GABRB1: variants seen among roughly 807,000 people sequenced by gnomAD.
GABRB1 encodes gamma-aminobutyric acid type A receptor subunit beta1.
In GABRB1, 17 loss-of-function variants were observed where a neutral mutation model predicts 51.6. That is an observed-to-expected ratio of 0.33 (90% CI 0.23 to 0.49). The LOEUF is 0.49. Ranked by LOEUF, GABRB1 falls within the 20% of genes least tolerant of loss-of-function variation. GABRB1 has a pLI of 0.99. For synonymous variants in GABRB1, 247 were observed against 218.9 expected (o/e 1.13, Z -1.14); for missense variants, 410 against 600.6 (o/e 0.68, Z 3.32).
chr4:47,282,069 T>TA (rs1204875238), intron 4 of GABRB1, among the ~76,000 whole-genome samples: 1 of 152,192 alleles, frequency 6.6e-6, no homozygotes, highest in Non-Finnish European at 1.5e-5. Flanking sequence ...GATGAATTGT[T>TA]AAAATGATTG....
chr4:47,195,210 C>G (rs1024001865), intron 4 of GABRB1, among the ~76,000 whole-genome samples: 2 of 152,058 alleles, frequency 1.3e-5, no homozygotes, highest in African/African-American at 2.4e-5. Flanking sequence ...ACTAAAAATA[C>G]GAAAAAATTA....
chr4:47,134,767 C>A (rs1716566737), intron 3 of GABRB1, among the ~76,000 whole-genome samples: 1 of 152,026 alleles, frequency 6.6e-6, no homozygotes, highest in Non-Finnish European at 1.5e-5. Context: ...GGGACATGAG[C>A]AAAAAGTTTT....
At chr4:47,077,394 A>G (rs1056659525) in intron 3 of GABRB1, among the ~76,000 whole-genome samples, 41 of 152,340 alleles carry the variant, frequency 2.7e-4, no homozygotes, top group African/African-American at 9.9e-4. Context: ...CCTAGATAGC[A>G]AGGATGGCCT....
chr4:47,209,602 G>A (rs771225541), intron 4 of GABRB1, among the ~76,000 whole-genome samples: 2 of 151,930 alleles, frequency 1.3e-5, no homozygotes, highest in Non-Finnish European at 2.9e-5. Context: ...CCCCTAATAA[G>A]CTATGAACTT....
At chr4:47,006,284 C>G (rs1006952360) in intron 1 of GABRB1, among the ~76,000 whole-genome samples, 1 of 152,022 alleles carries the variant, frequency 6.6e-6, no homozygotes, top group Non-Finnish European at 1.5e-5. Context: ...TATGCTGAAA[C>G]AGTTGGGCTC....
rs565458694 is a variant in GABRB1, at chr4:47,330,817, GA to G, written c.544+10615del. Among the ~76,000 whole-genome samples, 240 of 151,936 alleles carry G rather than the reference GA, an allele frequency of 1.6e-3. 1 individual carries two copies. The highest frequency in any genetic ancestry group is 2.4e-3 in the Non-Finnish European group (166 of 67,956). ...GATTTATAAAGGAAATTAGAATATAGAAAAAAATATGAATATATAAACATGT... is the reference window on the plus strand; with the variant it reads ...GATTTATAAAGGAAATTAGAATATAGAAAAAATATGAATATATAAACATGT... On this transcript the variant is annotated intron_variant, in intron 5 of 8. Coordinates refer to ENST00000295454, the MANE Select transcript of GABRB1 (RefSeq NM_000812.4).
At chr4:47,096,528 G>A (rs1327831554) in intron 3 of GABRB1, among the ~76,000 whole-genome samples, 5 of 152,226 alleles carry the variant, frequency 3.3e-5, no homozygotes, top group African/African-American at 7.2e-5. Context: ...CCTAATCCTC[G>A]GAACCTGTGA....
At chr4:47,396,967 T>G (rs533896837) in intron 5 of GABRB1, among the ~76,000 whole-genome samples, 1 of 152,344 alleles carries the variant, frequency 6.6e-6, no homozygotes, top group East Asian at 1.9e-4. Context: ...TCTGTTCATA[T>G]CCTTTTACTA....
At chr4:47,031,495 C>A (rs1725293820), upstream of GABRB1, 1 of 639,816 alleles carries the variant, frequency 1.6e-6, no homozygotes, top group African/African-American at 1.8e-5. Context: ...GTTGCCTGTT[C>A]CACTAGGAAT....
At chr4:47,298,956 T>C (rs1261505271) in intron 4 of GABRB1, among the ~76,000 whole-genome samples, 1 of 151,882 alleles carries the variant, frequency 6.6e-6, no homozygotes, top group African/African-American at 2.4e-5. Context: ...CTATCTGATC[T>C]TTGACAAAGC....
chr4:47,203,585 T>G (rs1205595444), intron 4 of GABRB1, among the ~76,000 whole-genome samples: 2 of 152,104 alleles, frequency 1.3e-5, no homozygotes, highest in Non-Finnish European at 2.9e-5. Flanking sequence ...CTCTTTCTGC[T>G]GTTACAACCA....
intron 3 of GABRB1, among the ~76,000 whole-genome samples, chr4:47,094,807 A>G (rs1714323042): frequency 6.6e-6 from 1 of 152,162 alleles, no homozygotes; most frequent in Non-Finnish European, 1.5e-5. Context: ...TGTTTAATTA[A>G]TAGTACAAAA....
In GABRB1 at chr4:47,033,044, T is replaced by C. The variant is rs1248102295; in HGVS notation, c.240+560T>C. ...TAAGACAACAGTCCATGTTTGCTAG[T>C]AGGAAAAGTGCCCGAGCCTGGGTAG... On this transcript the variant is annotated intron_variant, in intron 3 of 8. Transcript: ENST00000295454. 1.1e-5 allele frequency: 3 copies of C among 272,312 alleles called. No homozygotes were observed. In the South Asian group the frequency reaches 1.2e-4, roughly 11 times the overall value. The allele number at this position is 272,312 out of a possible 1,614,324, so 16.9% of individuals were successfully genotyped here. A position where few individuals can be genotyped will look rare whatever the true frequency, so the allele number is the denominator to read the frequency against.
chr4:47,057,325 T>C (rs1487567918), intron 3 of GABRB1, among the ~76,000 whole-genome samples: 1 of 152,218 alleles, frequency 6.6e-6, no homozygotes, highest in Non-Finnish European at 1.5e-5. Flanking sequence ...TAGCAGACAT[T>C]TGTGAGTTTT....
chr4:47,047,382 A>G (rs1726142968), intron 3 of GABRB1, among the ~76,000 whole-genome samples: 1 of 152,116 alleles, frequency 6.6e-6, no homozygotes, highest in Non-Finnish European at 1.5e-5. Context: ...TAAAGCAACC[A>G]TATGAAGTAT....
intron 1 of GABRB1, among the ~76,000 whole-genome samples, chr4:47,016,640 G>A (rs1724751562): frequency 6.6e-6 from 1 of 152,012 alleles, no homozygotes; most frequent in South Asian, 2.1e-4. Context: ...CCAGGCTGGA[G>A]TGCAGTGGCA....
At chr4:47,185,313 A>G (rs1003576720) in intron 4 of GABRB1, among the ~76,000 whole-genome samples, 5 of 151,876 alleles carry the variant, frequency 3.3e-5, no homozygotes, top group African/African-American at 9.7e-5. Context: ...TGGCTCTCCC[A>G]GAAAAAGGTG....
intron 8 of GABRB1, among the ~76,000 whole-genome samples, chr4:47,423,874 G>T (rs1729174175): frequency 6.6e-6 from 1 of 152,108 alleles, no homozygotes; most frequent in African/African-American, 2.4e-5. Flanking sequence ...AAATTAGTAA[G>T]ATTCAATTAC....
At chr4:47,310,698 C>A (rs1724637629) in intron 4 of GABRB1, among the ~76,000 whole-genome samples, 2 of 151,970 alleles carry the variant, frequency 1.3e-5, no homozygotes, top group South Asian at 2.1e-4. Flanking sequence ...ATTTTCTTAT[C>A]TTTGATATTG....
Sources: gnomAD v4.1 joint callset for allele counts (sites outside exome capture counted in the v4.1 genomes callset) on GRCh38, gnomAD v4.1.1 for gene constraint, MANE v1.5 for transcripts, NCBI Gene and HGNC (gene_info 2026-07-23, HGNC 2026-07-21) for gene names.